ARMC1: variants seen among roughly 807,000 people sequenced by gnomAD.
The protein encoded by ARMC1 is armadillo repeat containing 1.
A neutral mutation model predicts 31.4 loss-of-function variants in ARMC1; 16 were observed. The ratio of observed to expected loss-of-function variants is 0.51; its 90% CI spans 0.34 to 0.77. The LOEUF is 0.77. ARMC1 is among the 30% of genes least tolerant of loss of function. The pLI is 0.01. For synonymous variants in ARMC1, 114 were observed against 118.9 expected (o/e 0.96, Z 0.27); for missense variants, 259 against 347.5 (o/e 0.75, Z 2.02).
Position 65,613,148 on chromosome 8 carries a change from C to A in ARMC1, c.465+96G>T, listed in dbSNP as rs190292179. 24 of 1,027,664 alleles carry A rather than the reference C, an allele frequency of 2.3e-5. No individual in the cohort carries two copies. The East Asian group carries it at 5.7e-4, about 24-fold the overall frequency. The allele number at this position is 1,027,664 out of a possible 1,614,324, so 63.7% of individuals were successfully genotyped here. A position where few individuals can be genotyped will look rare whatever the true frequency, so the allele number is the denominator to read the frequency against. ...AATGACCCTTTTTATCAGTAAAATACTGATATCGAGATTTATTCTCAAAGA... is the reference window on the plus strand; with the variant it reads ...AATGACCCTTTTTATCAGTAAAATAATGATATCGAGATTTATTCTCAAAGA... On this transcript the variant is annotated intron_variant, in intron 4 of 6. Coordinates refer to ENST00000276569, the MANE Select transcript of ARMC1 (RefSeq NM_018120.6).
At chr8:65,610,159 G>A (rs897404572) in intron 4 of ARMC1, among the ~76,000 whole-genome samples, 23 of 152,024 alleles carry the variant, frequency 1.5e-4, no homozygotes, top group African/African-American at 4.8e-4. Context: ...GTGCAATGGC[G>A]CAATCTCAGC....
chr8:65,625,371 G>A (rs1808491321), intron 2 of ARMC1, among the ~76,000 whole-genome samples: 1 of 152,116 alleles, frequency 6.6e-6, no homozygotes, highest in Non-Finnish European at 1.5e-5. Context: ...CCTACAACAG[G>A]CCTGAATCAT....
intron 4 of ARMC1, among the ~76,000 whole-genome samples, chr8:65,612,754 C>T (rs560122862): frequency 1.6e-4 from 25 of 151,894 alleles, no homozygotes; most frequent in African/African-American, 5.6e-4. Flanking sequence ...TCCAGCTACT[C>T]GGGAGGCTGA....
At position 65,604,356 on chromosome 8, in the gene ARMC1, C is replaced by T. The variant is rs1807955347; in HGVS notation, c.*38G>A. 3 of 1,574,450 alleles carry T rather than the reference C, an allele frequency of 1.9e-6. No homozygotes were observed. The highest frequency in any genetic ancestry group is 1.4e-5 in the African/African-American group (1 of 73,896). ...CACCACAACAATGGAAAACTGGCCC[C>T]TTGTTGGTTCACACAGTCCTTGAGC... is the stretch of plus-strand genomic sequence containing the variant. On this transcript the variant is annotated 3_prime_UTR_variant, in exon 7 of 7. Transcript: ENST00000276569.
intron 3 of ARMC1, 98 bp from the exon 4 acceptor site, chr8:65,613,531 G>A: frequency 1.3e-6 from 1 of 764,372 alleles, no homozygotes; most frequent in Non-Finnish European, 2.0e-6. Context: ...TTACTCTAAT[G>A]CCTTGTTCAA....
At chr8:65,614,454 CCAAA>C (rs1808208757) in intron 3 of ARMC1, among the ~76,000 whole-genome samples, 4 of 152,152 alleles carry the variant, frequency 2.6e-5, no homozygotes, top group South Asian at 2.1e-4. Context: ...ATTTAAATTG[CCAAA>C]CAGAGTGAGT....
intron 4 of ARMC1, among the ~76,000 whole-genome samples, chr8:65,610,917 G>A (rs951564278): frequency 2.6e-5 from 4 of 151,770 alleles, no homozygotes; most frequent in Non-Finnish European, 5.9e-5. Flanking sequence ...TGGCATAAAG[G>A]TATTTAAAAT....
At chr8:65,605,984 A>G (rs1375877291) in intron 4 of ARMC1, among the ~76,000 whole-genome samples, 1 of 152,210 alleles carries the variant, frequency 6.6e-6, no homozygotes, top group Non-Finnish European at 1.5e-5. Flanking sequence ...ATCTGAGGCT[A>G]GTTTCACGCT....
At chr8:65,608,970 A>T (rs1404674014) in intron 4 of ARMC1, among the ~76,000 whole-genome samples, 1 of 152,178 alleles carries the variant, frequency 6.6e-6, no homozygotes, top group African/African-American at 2.4e-5. Flanking sequence ...AACAAATGAG[A>T]GAATCGATGA....
chr8:65,606,234 G>A (rs1231206895), intron 4 of ARMC1, among the ~76,000 whole-genome samples: 1 of 151,892 alleles, frequency 6.6e-6, no homozygotes, highest in African/African-American at 2.4e-5. Context: ...GGTGGCGTGT[G>A]CCTGTAGTCC....
At chr8:65,628,770 T>C (rs1204015530) in intron 1 of ARMC1, among the ~76,000 whole-genome samples, 1 of 148,474 alleles carries the variant, frequency 6.7e-6, no homozygotes, top group Non-Finnish European at 1.5e-5. Context: ...GGCAGGAGAA[T>C]TTATTAAAGC....
chr8:65,603,777 A>G lies in ARMC1; in HGVS notation c.*617T>C, dbSNP rs1405562701. Reference sequence around the variant, plus strand: ...TCAAAATTATAATGAATAAGGCTGCAAAATTTTTGTAGAGTTGTTTTTCTA... The same window carrying G: ...TCAAAATTATAATGAATAAGGCTGCGAAATTTTTGTAGAGTTGTTTTTCTA... On this transcript the variant is annotated 3_prime_UTR_variant, in exon 7 of 7. Coordinates refer to ENST00000276569, the MANE Select transcript of ARMC1 (RefSeq NM_018120.6). The G allele has an allele frequency of 1.3e-5, 2 of 152,500 alleles. No homozygotes were observed. Among genetic ancestry groups the G allele is most frequent in the African/African-American group, 4.8e-5 (2 of 41,468 alleles). 9.4% of individuals were successfully genotyped at this position (152,500 alleles called of 1,614,324 possible). A position where few individuals can be genotyped will look rare whatever the true frequency, so the allele number is the denominator to read the frequency against.
chr8:65,605,149 A>T, intron 6 of ARMC1, 114 bp downstream of exon 6: 2 of 842,400 alleles, frequency 2.4e-6, no homozygotes, highest in South Asian at 3.6e-5. Flanking sequence ...TAACCAAGAA[A>T]CAGCACATCC....
intron 3 of ARMC1, among the ~76,000 whole-genome samples, chr8:65,619,129 G>C (rs1808338867): frequency 6.6e-6 from 1 of 152,104 alleles, no homozygotes; most frequent in Non-Finnish European, 1.5e-5. Context: ...CAAAGACAAA[G>C]ATATTTACAT....
chr8:65,615,666 G>C (rs189040647), intron 3 of ARMC1, among the ~76,000 whole-genome samples: 2 of 151,884 alleles, frequency 1.3e-5, no homozygotes, highest in African/African-American at 2.4e-5. Context: ...AAGATCCTAC[G>C]ACTGCACGCC....
intron 1 of ARMC1, 36 bp downstream of exon 1, chr8:65,633,962 C>G (rs1017235199): frequency 5.9e-5 from 9 of 152,450 alleles, no homozygotes; most frequent in Middle Eastern, 3.1e-3. Flanking sequence ...CTTCCCGGCT[C>G]CACTGCTTTG....
intron 4 of ARMC1, among the ~76,000 whole-genome samples, chr8:65,609,727 G>A (rs574427102): frequency 3.3e-5 from 5 of 151,908 alleles, no homozygotes; most frequent in Admixed American, 6.6e-5. Context: ...GCATGGTGGC[G>A]GGCACCTGTA....
At chr8:65,627,801 C>G (rs1283431513) in intron 1 of ARMC1, among the ~76,000 whole-genome samples, 1 of 152,200 alleles carries the variant, frequency 6.6e-6, no homozygotes, top group Non-Finnish European at 1.5e-5. Context: ...CTATTTCTAG[C>G]CCTAAAACAA....
At chr8:65,623,887 C>A (rs1808455665) in intron 2 of ARMC1, among the ~76,000 whole-genome samples, 1 of 146,582 alleles carries the variant, frequency 6.8e-6, no homozygotes, top group African/African-American at 2.5e-5. Context: ...AACCTCCACC[C>A]CCCGAGTTCA....
Sources: gnomAD v4.1 joint callset for allele counts (sites outside exome capture counted in the v4.1 genomes callset) on GRCh38, gnomAD v4.1.1 for gene constraint, MANE v1.5 for transcripts, NCBI Gene and HGNC (gene_info 2026-07-23, HGNC 2026-07-21) for gene names.